Variants in USP45 observed in about 807,000 individuals in gnomAD.
USP45 encodes the protein ubiquitin carboxyl-terminal hydrolase 45.
A neutral mutation model predicts 95.8 loss-of-function variants in USP45; 89 were observed. The ratio of observed to expected loss-of-function variants is 0.93; its 90% CI spans 0.78 to 1.11. The LOEUF is 1.11. USP45 is among the 50% of genes least tolerant of loss of function. USP45 has a pLI of 0.00. For missense variants in USP45, 898 were observed against 942.5 expected (o/e 0.95, Z 0.62); for synonymous variants, 281 against 316.2 (o/e 0.89, Z 1.18).
chr6:99,507,546 AATTTT>A lies in USP45; in HGVS notation c.274-20_274-16del. On this transcript the variant is annotated splice_polypyrimidine_tract_variant and intron_variant, in intron 3 of 17. Coordinates refer to ENST00000500704, the MANE Select transcript of USP45 (RefSeq NM_001346022.3). ...TTACCACATCCCTGAAGATGAACAG[AATTTT>A]ATTTTGTATGACTTACAAATGTTTG... The A allele has an allele frequency of 6.5e-7, 1 of 1,532,354 alleles. No individual in the cohort carries two copies. The highest frequency in any genetic ancestry group is 9.0e-7 in the Non-Finnish European group (1 of 1,110,572). The allele number at this position is 1,532,354 out of a possible 1,614,324, so 94.9% of individuals were successfully genotyped here.
chr6:99,446,528 A>T, intron 13 of USP45, 65 bp from the exon 14 acceptor site: 1 of 1,364,652 alleles, frequency 7.3e-7, no homozygotes, highest in Non-Finnish European at 9.9e-7. Context: ...AATGCCAATA[A>T]TTCTTAAACA....
At chr6:99,465,577 G>GA (rs1277236245) in intron 11 of USP45, among the ~76,000 whole-genome samples, 1 of 152,144 alleles carries the variant, frequency 6.6e-6, no homozygotes, top group African/African-American at 2.4e-5. Context: ...TCTATCTTGT[G>GA]AGAGAGAAAA....
At chr6:99,486,055 C>A (rs1357904475) in intron 7 of USP45, among the ~76,000 whole-genome samples, 2 of 152,132 alleles carry the variant, frequency 1.3e-5, no homozygotes, top group Non-Finnish European at 2.9e-5. Context: ...GTTTGTTCCC[C>A]TAATTTTGGG....
chr6:99,448,721 T>C (rs1034823436), intron 13 of USP45, among the ~76,000 whole-genome samples: 4 of 152,048 alleles, frequency 2.6e-5, no homozygotes, highest in Non-Finnish European at 5.9e-5. Flanking sequence ...AAACACATAA[T>C]TGTCAGATTC....
At chr6:99,488,561 G>A (rs1794507553) in intron 6 of USP45, 120 bp downstream of exon 6, 2 of 1,160,278 alleles carry the variant, frequency 1.7e-6, no homozygotes, top group Admixed American at 5.1e-5. Context: ...TAAACAAAAG[G>A]AAAACAGAGA....
intron 5 of USP45, among the ~76,000 whole-genome samples, chr6:99,498,056 A>G (rs748212176): frequency 3.3e-5 from 5 of 152,186 alleles, no homozygotes; most frequent in Non-Finnish European, 7.3e-5. Flanking sequence ...GCTCCATCAC[A>G]GCACTATTTA....
intron 4 of USP45, 110 bp from the exon 5 acceptor site, chr6:99,503,975 G>C: frequency 2.8e-6 from 2 of 723,582 alleles, no homozygotes; most frequent in Non-Finnish European, 4.3e-6. Flanking sequence ...TTACATGGGA[G>C]GGAATACAAA....
At chr6:99,513,969 G>A (rs1354423213) in intron 1 of USP45, among the ~76,000 whole-genome samples, 1 of 152,096 alleles carries the variant, frequency 6.6e-6, no homozygotes, top group East Asian at 1.9e-4. Flanking sequence ...TTATTCAGGT[G>A]ATGGTTACAC....
In USP45 at chr6:99,503,835, C is replaced by A. The variant is rs765751969; in HGVS notation, c.408G>T (p.Thr136=). ...GAGCCAAAACCTTCTTATTACAATGCGTTGATAATTTTTCATCACATTCAT... is the reference window on the plus strand; with the variant it reads ...GAGCCAAAACCTTCTTATTACAATGAGTTGATAATTTTTCATCACATTCAT... The part of the protein sequence containing the change: ...WCYECDEKLS[T]HCNKKVLAQI... The change falls in exon 5 of 18, where the codon ACG becomes ACT. Residue 136 remains threonine, a synonymous_variant. Coordinates refer to ENST00000500704, the MANE Select transcript of USP45 (RefSeq NM_001346022.3). 2 of 1,592,488 alleles carry A rather than the reference C, an allele frequency of 1.3e-6. No individual in the cohort carries two copies. The highest frequency in any genetic ancestry group is 1.7e-6 in the Non-Finnish European group (2 of 1,170,334).
chr6:99,464,987 C>T (rs1583151478), intron 12 of USP45, 93 bp downstream of exon 12: 3 of 1,115,104 alleles, frequency 2.7e-6, no homozygotes, highest in Non-Finnish European at 3.8e-6. Flanking sequence ...AAAATAATGA[C>T]TCTCAGATAT....
chr6:99,516,926 G>C (rs958451467), upstream of USP45, among the ~76,000 whole-genome samples: 17 of 152,096 alleles, frequency 1.1e-4, no homozygotes, highest in African/African-American at 4.1e-4. Flanking sequence ...GGAAATTTAG[G>C]TTCTTTTCTT....
Position 99,481,835 on chromosome 6 carries a change from AAT to A in USP45, c.845+916_845+917del, listed in dbSNP as rs200269699. Among the ~76,000 whole-genome samples, 1,194 of 152,248 alleles carry A rather than the reference AAT, an allele frequency of 7.8e-3. 23 individuals carry two copies. The highest frequency in any genetic ancestry group is 0.026 in the African/African-American group (1,088 of 41,542). ...CAGCTGCATCCATGTTGTCGCAAAG[AAT>A]ATGATTTCATTCTTTATTATGGCTG... is the stretch of plus-strand genomic sequence containing the variant. On this transcript the variant is annotated intron_variant, in intron 8 of 17. Coordinates refer to ENST00000500704, the MANE Select transcript of USP45 (RefSeq NM_001346022.3).
intron 17 of USP45, among the ~76,000 whole-genome samples, chr6:99,436,644 T>C (rs753975505): frequency 7.9e-5 from 12 of 152,212 alleles, no homozygotes; most frequent in Non-Finnish European, 1.8e-4. Context: ...CAATCTGATA[T>C]GGCTTCAAAA....
At chr6:99,464,083 G>T (rs12195354) in intron 13 of USP45, among the ~76,000 whole-genome samples, 1 of 151,772 alleles carries the variant, frequency 6.6e-6, no homozygotes, top group Non-Finnish European at 1.5e-5. Context: ...GAGGCGGGCA[G>T]ATCACCTGAG....
At chr6:99,479,399 C>T (rs1050890123) in intron 8 of USP45, among the ~76,000 whole-genome samples, 1 of 151,398 alleles carries the variant, frequency 6.6e-6, no homozygotes, top group Admixed American at 6.6e-5. Flanking sequence ...ATAGAGTCTC[C>T]CTATGTTGTC....
At chr6:99,513,861 A>C (rs1399234711) in intron 1 of USP45, among the ~76,000 whole-genome samples, 2 of 152,194 alleles carry the variant, frequency 1.3e-5, no homozygotes, top group African/African-American at 4.8e-5. Flanking sequence ...TAGAGCTTCC[A>C]ATACTTTTTA....
intron 13 of USP45, among the ~76,000 whole-genome samples, chr6:99,449,005 A>G (rs548396755): frequency 1.3e-5 from 2 of 152,322 alleles, no homozygotes; most frequent in South Asian, 4.1e-4. Context: ...CCTGCCCTAC[A>G]AGAGCTCCTG....
chr6:99,485,538 G>A (rs1393856611), intron 7 of USP45, among the ~76,000 whole-genome samples: 1 of 152,096 alleles, frequency 6.6e-6, no homozygotes, highest in Non-Finnish European at 1.5e-5. Flanking sequence ...TAGAAACCAG[G>A]TTAGTGGTTA....
At chr6:99,438,882 TTG>T (rs1421703450) in intron 16 of USP45, among the ~76,000 whole-genome samples, 2 of 152,216 alleles carry the variant, frequency 1.3e-5, no homozygotes, top group Non-Finnish European at 2.9e-5. Flanking sequence ...CTATTTGCTT[TTG>T]TGTTTATTGG....
Sources: allele counts gnomAD v4.1 joint callset (sites outside exome capture counted in the v4.1 genomes callset), GRCh38; gene constraint gnomAD v4.1.1; transcripts MANE v1.5; gene names NCBI Gene and HGNC (gene_info 2026-07-23, HGNC 2026-07-21).